ASIC2: variants seen among roughly 807,000 people sequenced by gnomAD.
The protein encoded by ASIC2 is acid sensing ion channel subunit 2.
ASIC2 carries 25 observed loss-of-function variants against 57.3 expected under a neutral mutation model. The ratio of observed to expected loss-of-function variants is 0.44; its 90% CI spans 0.32 to 0.61. The LOEUF is 0.61. ASIC2 is among the 20% of genes least tolerant of loss of function. The probability of loss-of-function intolerance (pLI) is 0.06; values close to 1 mark genes in which losing one functional copy is unlikely to be tolerated. For missense variants in ASIC2, 641 were observed against 738.1 expected (o/e 0.87, Z 1.52); for synonymous variants, 319 against 307.5 (o/e 1.04, Z -0.39).
chr17:33,380,427 T>C (rs1909446619), intron 1 of ASIC2, among the ~76,000 whole-genome samples: 1 of 152,138 alleles, frequency 6.6e-6, no homozygotes, highest in Admixed American at 6.5e-5. Context: ...TTAAATTCTA[T>C]CTTTGATGTA....
At chr17:33,528,136 A>G (rs1388000668) in intron 1 of ASIC2, among the ~76,000 whole-genome samples, 3 of 96,592 alleles carry the variant, frequency 3.1e-5, no homozygotes, top group African/African-American at 1.0e-4. Flanking sequence ...GAGGATTCAA[A>G]CCTGGGCCTG....
chr17:33,265,575 C>T (rs554867010), intron 1 of ASIC2, among the ~76,000 whole-genome samples: 57 of 152,044 alleles, frequency 3.7e-4, no homozygotes, highest in Non-Finnish European at 6.5e-4. Flanking sequence ...ACCTAGGTGA[C>T]GGGTTGATAG....
intron 1 of ASIC2, among the ~76,000 whole-genome samples, chr17:33,884,960 G>A (rs991318955): frequency 6.6e-6 from 1 of 152,226 alleles, no homozygotes; most frequent in Non-Finnish European, 1.5e-5. Context: ...ACTGCAGTGA[G>A]AACATCCTCA....
chr17:33,837,629 T>C (rs1377058597), intron 1 of ASIC2, among the ~76,000 whole-genome samples: 1 of 152,228 alleles, frequency 6.6e-6, no homozygotes, highest in Non-Finnish European at 1.5e-5. Context: ...TATGCTTATC[T>C]GGAGTGTGGG....
intron 2 of ASIC2, among the ~76,000 whole-genome samples, chr17:33,102,914 G>A (rs1345482207): frequency 6.6e-6 from 1 of 152,058 alleles, no homozygotes; most frequent in Non-Finnish European, 1.5e-5. Flanking sequence ...CTCCCGAGTA[G>A]CTGGGGCTAC....
At chr17:33,768,879 T>C (rs1396189820) in intron 1 of ASIC2, among the ~76,000 whole-genome samples, 4 of 152,064 alleles carry the variant, frequency 2.6e-5, no homozygotes, top group Non-Finnish European at 5.9e-5. Context: ...CTCCTGACTT[T>C]GGGGGAAGAC....
intron 1 of ASIC2, among the ~76,000 whole-genome samples, chr17:33,691,345 C>A (rs1322228245): frequency 6.6e-6 from 1 of 152,162 alleles, no homozygotes; most frequent in African/African-American, 2.4e-5. Flanking sequence ...TTCCTATCAG[C>A]AATGCATGAA....
intron 1 of ASIC2, among the ~76,000 whole-genome samples, chr17:33,831,693 A>G (rs6505383): frequency 0.14 from 21,428 of 151,958 alleles, 4,708 homozygotes; most frequent in African/African-American, 0.47. Flanking sequence ...TGAGCTCTGC[A>G]CGCATCCACA....
intron 1 of ASIC2, among the ~76,000 whole-genome samples, chr17:34,075,599 T>C (rs527486894): frequency 6.6e-6 from 1 of 152,216 alleles, no homozygotes; most frequent in South Asian, 2.1e-4. Flanking sequence ...CTGCAGTACA[T>C]ATGGCACCAC....
chr17:33,779,330 G>A (rs932838434), intron 1 of ASIC2, among the ~76,000 whole-genome samples: 2 of 151,838 alleles, frequency 1.3e-5, no homozygotes, highest in South Asian at 2.1e-4. Context: ...TATCTCAACC[G>A]CTCAAGCCCC....
intron 1 of ASIC2, among the ~76,000 whole-genome samples, chr17:33,916,861 C>T (rs1915595833): frequency 6.6e-6 from 1 of 152,162 alleles, no homozygotes; most frequent in African/African-American, 2.4e-5. Flanking sequence ...TTACACATTG[C>T]TCTAGGCCTC....
intron 1 of ASIC2, among the ~76,000 whole-genome samples, chr17:33,829,810 G>T (rs950829343): frequency 2.0e-5 from 3 of 151,962 alleles, no homozygotes; most frequent in Non-Finnish European, 4.4e-5. Context: ...TAACCCACCC[G>T]CCTGGGCCTC....
chr17:34,089,185 C>T (rs941190540), intron 1 of ASIC2, among the ~76,000 whole-genome samples: 1 of 152,162 alleles, frequency 6.6e-6, no homozygotes, highest in Non-Finnish European at 1.5e-5. Context: ...CCTCCTCCTC[C>T]ATTTATTTGT....
rs1048164045 is a variant in ASIC2, at chr17:33,930,836, G to A, written c.555+225142C>T. Among the ~76,000 whole-genome samples, 11 of 152,212 alleles carry A rather than the reference G, an allele frequency of 7.2e-5. No individual in the cohort carries two copies. In the East Asian group the frequency reaches 2.1e-3, roughly 29 times the overall value. ...CCACAGGTGGTGGAGGGGATGCCAGGGGAGAGCCGGGGCCCAGATTTTACA... is the reference window on the plus strand; with the variant it reads ...CCACAGGTGGTGGAGGGGATGCCAGAGGAGAGCCGGGGCCCAGATTTTACA... On this transcript the variant is annotated intron_variant, in intron 1 of 9. Transcript: ENST00000359872.
chr17:33,647,222 G>A (rs146904748), intron 1 of ASIC2, among the ~76,000 whole-genome samples: 279 of 152,266 alleles, frequency 1.8e-3, no homozygotes, highest in African/African-American at 6.3e-3. Context: ...GAAATAATCC[G>A]TTTTATAGAA....
rs73287869 is a variant in ASIC2 at position 33,409,691 on chromosome 17, G to A, written c.556-297624C>T. Among the ~76,000 whole-genome samples the A allele has an allele frequency of 3.5e-3, 530 of 152,292 alleles. 5 individuals carry two copies. The highest frequency in any genetic ancestry group is 0.012 in the African/African-American group (508 of 41,558). ...AAGTTCTGGTAAAGGAGAGTCTTGC[G>A]GAGGAGGAGGCCGAGGGAGCTGGAC... is the stretch of plus-strand genomic sequence containing the variant. On this transcript the variant is annotated intron_variant, in intron 1 of 9. Transcript: ENST00000359872.
At chr17:33,408,781 C>T (rs534181666) in intron 1 of ASIC2, among the ~76,000 whole-genome samples, 1 of 152,224 alleles carries the variant, frequency 6.6e-6, no homozygotes, top group East Asian at 1.9e-4. Context: ...CTTGATGTCT[C>T]GGGTAAGGCA....
At chr17:33,029,201 T>A (rs902713105) in intron 3 of ASIC2, among the ~76,000 whole-genome samples, 9 of 152,198 alleles carry the variant, frequency 5.9e-5, no homozygotes, top group Non-Finnish European at 1.0e-4. Context: ...ACAAAGGTGT[T>A]TGCCCATGTA....
chr17:33,055,328 G>T (rs894796355), intron 3 of ASIC2, among the ~76,000 whole-genome samples: 4 of 152,134 alleles, frequency 2.6e-5, no homozygotes, highest in African/African-American at 7.2e-5. Context: ...TCACCTCTTA[G>T]CTCAGTTGCC....
Sources: allele counts gnomAD v4.1 joint callset (sites outside exome capture counted in the v4.1 genomes callset), GRCh38; gene constraint gnomAD v4.1.1; transcripts MANE v1.5; gene names NCBI Gene and HGNC (gene_info 2026-07-23, HGNC 2026-07-21).